USP13: variants seen among roughly 807,000 people sequenced by gnomAD.
USP13 encodes the protein ubiquitin specific peptidase 13, also known as ubiquitin carboxyl-terminal hydrolase 13.
A neutral mutation model predicts 107.8 loss-of-function variants in USP13; 68 were observed. The observed-to-expected ratio is 0.63, with a 90% confidence interval of 0.52 to 0.77. The LOEUF (loss-of-function observed/expected upper bound fraction) is 0.77, where lower values mean the gene tolerates loss of function less well. Ranked by LOEUF, USP13 falls within the 30% of genes least tolerant of loss-of-function variation. USP13 has a pLI of 0.00. For missense variants in USP13, 945 were observed against 1,093.3 expected, an observed-to-expected ratio of 0.86 and a Z score of 1.91; for synonymous variants, 377 against 389.5, an observed-to-expected ratio of 0.97 and a Z score of 0.38.
chr3:179,721,636 C>A lies in USP13; in HGVS notation c.1088+47C>A, dbSNP rs750373657. 33 of 1,582,284 alleles carry A rather than the reference C, an allele frequency of 2.1e-5. No individual in the cohort carries two copies. The highest frequency in any genetic ancestry group is 2.4e-5 in the Non-Finnish European group (28 of 1,161,782). On this transcript the variant is annotated intron_variant, in intron 8 of 20. Transcript: ENST00000263966. This position sits in a 1 kb window ranked among gnomAD's most constrained non-coding sequence, Gnocchi z 4.3. ...CAGGGCACGCGGCACCTCCCTGCCC[C>A]ATCTAGGTCCAGTCCACTCAGTGTG...
At chr3:179,657,678 C>A (rs146516253) in intron 1 of USP13, among the ~76,000 whole-genome samples, 1 of 140,028 alleles carries the variant, frequency 7.1e-6, no homozygotes, top group African/African-American at 2.7e-5. Flanking sequence ...GCAGGAGAAT[C>A]GCTTGAACCT....
intron 15 of USP13, among the ~76,000 whole-genome samples, chr3:179,756,253 C>T (rs1289771052): frequency 1.3e-5 from 2 of 151,956 alleles, no homozygotes; most frequent in East Asian, 1.9e-4. Context: ...TGAAACCTCA[C>T]CTCTACTAAA....
intron 1 of USP13, among the ~76,000 whole-genome samples, chr3:179,675,791 G>A (rs1720877060): frequency 6.6e-6 from 1 of 152,066 alleles, no homozygotes; most frequent in Admixed American, 6.6e-5. Context: ...CAAGTGATCT[G>A]CCCATCTTGG....
At chr3:179,713,077 T>C (rs1358422948) in intron 6 of USP13, among the ~76,000 whole-genome samples, 1 of 152,220 alleles carries the variant, frequency 6.6e-6, no homozygotes, top group Non-Finnish European at 1.5e-5. Context: ...CTTCCATAGT[T>C]GTTACTGTTT....
chr3:179,724,150 TC>T (rs1374738407), intron 8 of USP13, among the ~76,000 whole-genome samples: 1 of 150,846 alleles, frequency 6.6e-6, no homozygotes, highest in African/African-American at 2.4e-5. Context: ...CAGAGTGAGA[TC>T]CTGTCTTTAA....
chr3:179,754,867 G>C lies in USP13; in HGVS notation c.1921+13G>C. 1 of 1,604,902 alleles carries C rather than the reference G, an allele frequency of 6.2e-7. No homozygotes were observed. Among genetic ancestry groups the C allele is most frequent in the Non-Finnish European group, 8.5e-7 (1 of 1,176,072 alleles). ...GATGACTCAAAAGGTACCATCTCCT[G>C]CCAGGAGAATATGCGCTACCCTCCC... is the stretch of plus-strand genomic sequence containing the variant. On this transcript the variant is annotated intron_variant, in intron 15 of 20. Transcript: ENST00000263966.
Position 179,763,988 on chromosome 3 carries a change from G to A in USP13, c.2093-14G>A. ...AAAAAAAGGAAAAGACTTGGGTGTG[G>A]TTATTTTTCTCAGATTTTGCTGAGC... On this transcript the variant is annotated splice_polypyrimidine_tract_variant and intron_variant, in intron 17 of 20. Coordinates refer to ENST00000263966, the MANE Select transcript of USP13 (RefSeq NM_003940.3). The A allele has an allele frequency of 6.3e-7, 1 of 1,589,506 alleles. No individual in the cohort carries two copies. The highest frequency in any genetic ancestry group is 8.5e-7 in the Non-Finnish European group (1 of 1,172,176).
chr3:179,690,999 C>T (rs147482201), intron 3 of USP13, among the ~76,000 whole-genome samples: 11 of 151,912 alleles, frequency 7.2e-5, no homozygotes, highest in East Asian at 1.9e-4. Flanking sequence ...AAGGCCCTGT[C>T]GTTACCAAAA....
chr3:179,717,949 T>A (rs1713163936), intron 6 of USP13, among the ~76,000 whole-genome samples: 1 of 30,472 alleles, frequency 3.3e-5, no homozygotes, highest in Non-Finnish European at 1.1e-4. Flanking sequence ...GTTTAACTTA[T>A]TAATAATAGA....
In USP13 at chr3:179,727,163, G is replaced by GTT. The variant is rs528617941; in HGVS notation, c.1089-3006_1089-3005dup. 5.1e-3 allele frequency among the ~76,000 whole-genome samples: 582 copies of GTT among 114,328 alleles called. 4 individuals are homozygous for GTT. The highest frequency in any genetic ancestry group is 5.4e-3 in the Non-Finnish European group (294 of 54,290). The allele number at this position is 114,328 out of a possible 152,430, so 75.0% of individuals were successfully genotyped here. A position where few individuals can be genotyped will look rare whatever the true frequency, so the allele number is the denominator to read the frequency against. On this transcript the variant is annotated intron_variant, in intron 8 of 20. Coordinates refer to ENST00000263966, the MANE Select transcript of USP13 (RefSeq NM_003940.3). ...TGAGATTATTGGAACAATTTTTAAT[G>GTT]TTTTTTTTTTTTTTTTTTTTTAATT...
At position 179,764,034 on chromosome 3, in the gene USP13, G is replaced by A; in HGVS notation, c.2125G>A (p.Gly709Arg). ...FAEPLTMPGY[G>R]GAASAGASVF... ...TGAGCCGCTGACCATGCCTGGTTAT[G>A]GAGGGGCAGCTTCTGCTGGAGCCTC... The change falls in exon 18 of 21, where the codon GGA (glycine) becomes AGA (arginine). Residue 709 changes from glycine (G) to arginine (R), a missense_variant. By Grantham distance (125) the Gly-to-Arg change is moderately radical. Coordinates refer to ENST00000263966, the MANE Select transcript of USP13 (RefSeq NM_003940.3). 6.2e-7 allele frequency: 1 copy of A among 1,613,408 alleles called. No individual in the cohort carries two copies. Among genetic ancestry groups the A allele is most frequent in the South Asian group, 1.1e-5 (1 of 91,034 alleles).
intron 13 of USP13, among the ~76,000 whole-genome samples, chr3:179,750,214 G>A (rs886155512): frequency 1.3e-5 from 2 of 149,634 alleles, no homozygotes; most frequent in Admixed American, 1.3e-4. Flanking sequence ...GCAGTGACCC[G>A]AGATCACGCC....
In USP13 at chr3:179,661,268, C is replaced by T. The variant is rs535028335; in HGVS notation, c.168+7875C>T. Among the ~76,000 whole-genome samples the T allele has an allele frequency of 2.6e-5, 4 of 152,280 alleles. No individual in the cohort carries two copies. In the East Asian group the frequency reaches 7.7e-4, roughly 29 times the overall value. The stretch of plus-strand genomic sequence containing the variant: ...GGCAAGAAGATATAACCACTTATTC[C>T]AGTCACTTACCTCACCTGAAATGTA... On this transcript the variant is annotated intron_variant, in intron 1 of 20. Coordinates refer to ENST00000263966, the MANE Select transcript of USP13 (RefSeq NM_003940.3).
chr3:179,714,837 T>C (rs1169261736), intron 6 of USP13, among the ~76,000 whole-genome samples: 1 of 151,994 alleles, frequency 6.6e-6, no homozygotes, highest in Non-Finnish European at 1.5e-5. Context: ...CTAGGTTTTG[T>C]CTGTCCTGGC....
In USP13 at chr3:179,708,795, G is replaced by A. The variant is rs755492512; in HGVS notation, c.643G>A (p.Asp215Asn). 22 of 1,614,014 alleles carry A rather than the reference G, an allele frequency of 1.4e-5. No individual in the cohort carries two copies. The highest frequency in any genetic ancestry group is 1.0e-4 in the Admixed American group (6 of 60,006). ...CAGTGGTTGGAAGTGTGCCAGATGC[G>A]ACCTGCGAGAAAACCTCTGGTTGAA... ...PPSGWKCARCDLRENLWLNLT... is the reference protein window; with the variant it reads ...PPSGWKCARCNLRENLWLNLT... The change falls in exon 6 of 21, where the codon GAC (aspartate) becomes AAC (asparagine). Residue 215 changes from aspartate to asparagine, a missense_variant. Transcript: ENST00000263966.
rs552059169 is a variant in USP13 at position 179,757,397 on chromosome 3, G to A, written c.1948+319G>A. ...TCATGTGTGAATGGGGCTAGCCATG[G>A]CTACTGAGTAGACCTCTTTGTGCAA... On this transcript the variant is annotated intron_variant, in intron 16 of 20. Coordinates refer to ENST00000263966, the MANE Select transcript of USP13 (RefSeq NM_003940.3). 3.3e-5 allele frequency among the ~76,000 whole-genome samples: 5 copies of A among 152,254 alleles called. No individual in the cohort carries two copies. The South Asian group carries it at 8.3e-4, about 25-fold the overall frequency.
intron 16 of USP13, 130 bp downstream of exon 16, chr3:179,757,208 G>A (rs2108530170): frequency 4.9e-6 from 5 of 1,026,434 alleles, no homozygotes; most frequent in Admixed American, 4.0e-5. Context: ...GGTGGGAACG[G>A]CTCTGTGTCT....
chr3:179,767,152 C>T (rs1337201781), intron 19 of USP13, among the ~76,000 whole-genome samples: 1 of 152,212 alleles, frequency 6.6e-6, no homozygotes, highest in Non-Finnish European at 1.5e-5. Context: ...AGATCCTTGT[C>T]ATAATCAGCT....
intron 6 of USP13, among the ~76,000 whole-genome samples, chr3:179,712,413 AT>A (rs1712963679): frequency 1.3e-5 from 2 of 152,280 alleles, no homozygotes; most frequent in South Asian, 4.1e-4. Flanking sequence ...CTCACTGTTA[AT>A]AATTTAGGTA....
Sources: allele counts gnomAD v4.1 joint callset (sites outside exome capture counted in the v4.1 genomes callset), GRCh38; gene constraint gnomAD v4.1.1; non-coding constraint Gnocchi (gnomAD v3.1); transcripts MANE v1.5; gene names NCBI Gene and HGNC (gene_info 2026-07-23, HGNC 2026-07-21).